The following CHRM3 variants were observed in gnomAD, a reference collection of about 807,000 sequenced individuals.
CHRM3 encodes muscarinic acetylcholine receptor M3.
CHRM3 carries 11 observed loss-of-function variants against 41.8 expected under a neutral mutation model. That is an observed-to-expected ratio of 0.26 (90% CI 0.17 to 0.44). The LOEUF (loss-of-function observed/expected upper bound fraction) is 0.44. Among genes scored for constraint, CHRM3 ranks in the 20% least tolerant of loss-of-function variants. The pLI, the probability that CHRM3 is intolerant of heterozygous loss-of-function variation, is 1.00. For synonymous variants in CHRM3, 297 were observed against 301.4 expected, an observed-to-expected ratio of 0.99 and a Z score of 0.15; for missense variants, 571 against 745.4, an observed-to-expected ratio of 0.77 and a Z score of 2.72.
intron 2 of CHRM3, among the ~76,000 whole-genome samples, chr1:239,516,219 G>A (rs191085765): frequency 1.3e-5 from 2 of 152,222 alleles, no homozygotes; most frequent in East Asian, 1.9e-4. Flanking sequence ...TCCCAGGAGG[G>A]GAGAACATCG....
chr1:239,787,705 G>A (rs920613868), intron 5 of CHRM3, among the ~76,000 whole-genome samples: 6 of 152,090 alleles, frequency 3.9e-5, no homozygotes, highest in East Asian at 1.9e-4. Flanking sequence ...GAGAATAAGC[G>A]TGAGAATCAC....
At chr1:239,540,790 A>G (rs1361650368) in intron 2 of CHRM3, among the ~76,000 whole-genome samples, 3 of 152,134 alleles carry the variant, frequency 2.0e-5, no homozygotes, top group African/African-American at 4.8e-5. Context: ...TATAACTTCC[A>G]TATTTCTTAT....
At chr1:239,884,218 C>T (rs781018417) in intron 6 of CHRM3, among the ~76,000 whole-genome samples, 1 of 152,168 alleles carries the variant, frequency 6.6e-6, no homozygotes, top group African/African-American at 2.4e-5. Context: ...AGGAAGAGAT[C>T]ATCCTGGATT....
chr1:239,770,215 G>A (rs570817414), intron 5 of CHRM3, among the ~76,000 whole-genome samples: 2 of 152,218 alleles, frequency 1.3e-5, no homozygotes, highest in South Asian at 4.1e-4. Context: ...AAAATTCACG[G>A]GACGTAGGTT....
At chr1:239,700,355 A>C (rs750666366) in intron 5 of CHRM3, among the ~76,000 whole-genome samples, 1 of 152,204 alleles carries the variant, frequency 6.6e-6, no homozygotes, top group Non-Finnish European at 1.5e-5. Context: ...ACGTTCAGTG[A>C]CAAGGAGCTC....
intron 5 of CHRM3, among the ~76,000 whole-genome samples, chr1:239,806,334 A>C (rs1301111473): frequency 2.6e-5 from 4 of 151,850 alleles, no homozygotes; most frequent in Non-Finnish European, 5.9e-5. Context: ...ATGGAGTTAC[A>C]CAACACACAC....
intron 2 of CHRM3, among the ~76,000 whole-genome samples, chr1:239,539,546 A>G (rs183363822): frequency 9.7e-4 from 147 of 152,274 alleles, no homozygotes; most frequent in Non-Finnish European, 1.9e-3. Context: ...CTGTACAGTC[A>G]TGCACTGTGA....
chr1:239,542,545 T>C (rs1658884458), intron 2 of CHRM3, among the ~76,000 whole-genome samples: 1 of 152,178 alleles, frequency 6.6e-6, no homozygotes, highest in South Asian at 2.1e-4. Context: ...ATTCTAGACA[T>C]TTTGTTCATA....
intron 6 of CHRM3, among the ~76,000 whole-genome samples, chr1:239,871,628 TTTC>T (rs2149323548): frequency 1.3e-5 from 2 of 152,290 alleles, no homozygotes; most frequent in East Asian, 3.9e-4. Context: ...GAGTGACCTG[TTTC>T]TTCTTCCCTC....
intron 1 of CHRM3, among the ~76,000 whole-genome samples, chr1:239,433,432 G>A (rs142474551): frequency 3.3e-5 from 5 of 152,154 alleles, no homozygotes; most frequent in African/African-American, 1.2e-4. Context: ...GTTTAGGCTC[G>A]ACTCATTTCT....
chr1:239,472,015 T>A (rs1264865433), intron 1 of CHRM3, among the ~76,000 whole-genome samples: 1 of 152,180 alleles, frequency 6.6e-6, no homozygotes, highest in East Asian at 1.9e-4. Context: ...GAGACTCCAA[T>A]ACTCTGAGAG....
At chr1:239,590,981 A>T (rs1184908668) in intron 3 of CHRM3, among the ~76,000 whole-genome samples, 1 of 152,188 alleles carries the variant, frequency 6.6e-6, no homozygotes, top group Admixed American at 6.5e-5. Context: ...CTCAGTTGGC[A>T]TTCATGGAAA....
At chr1:239,848,227 A>G (rs1172087855) in intron 6 of CHRM3, among the ~76,000 whole-genome samples, 1 of 152,152 alleles carries the variant, frequency 6.6e-6, no homozygotes, top group Admixed American at 6.5e-5. Context: ...ATCACTACCC[A>G]AATGCTTTAC....
chr1:239,504,538 A>T (rs1188176923), intron 2 of CHRM3, among the ~76,000 whole-genome samples: 1 of 152,214 alleles, frequency 6.6e-6, no homozygotes, highest in Admixed American at 6.5e-5. Flanking sequence ...TAGAACTCTC[A>T]TTTGATCCAG....
In CHRM3 at chr1:239,913,864, G is replaced by A. The variant is rs1050578395; in HGVS notation, c.*4640G>A. ...GACGGATAGTGTATTTGGATATATG[G>A]AAGTCATCCAAATGCGTTGCTAGAA... On this transcript the variant is annotated 3_prime_UTR_variant, in exon 7 of 7. Transcript: ENST00000676153. The A allele has an allele frequency of 1.2e-5, 2 of 167,028 alleles. No individual in the cohort carries two copies. The highest frequency in any genetic ancestry group is 2.4e-5 in the African/African-American group (1 of 41,426). 10.3% of individuals were successfully genotyped at this position (167,028 alleles called of 1,614,324 possible). A position where few individuals can be genotyped will look rare whatever the true frequency, so the allele number is the denominator to read the frequency against.
intron 5 of CHRM3, among the ~76,000 whole-genome samples, chr1:239,785,630 G>GT (rs1343948464): frequency 1.3e-5 from 2 of 151,932 alleles, no homozygotes; most frequent in East Asian, 1.9e-4. Context: ...TGTCTATCTA[G>GT]TTTTTTATTA....
intron 1 of CHRM3, among the ~76,000 whole-genome samples, chr1:239,427,549 C>A (rs1662489749): frequency 6.6e-6 from 1 of 151,954 alleles, no homozygotes; most frequent in African/African-American, 2.4e-5. Flanking sequence ...TATTTTCTTC[C>A]CCCAGTTGGC....
chr1:239,547,979 T>C (rs576820912), intron 3 of CHRM3, among the ~76,000 whole-genome samples: 4 of 152,160 alleles, frequency 2.6e-5, no homozygotes, highest in African/African-American at 9.7e-5. Context: ...ATGACTTTTT[T>C]TTTTCAGGAG....
intron 3 of CHRM3, among the ~76,000 whole-genome samples, chr1:239,607,491 T>A (rs905758461): frequency 6.6e-6 from 1 of 152,182 alleles, no homozygotes; most frequent in Non-Finnish European, 1.5e-5. Flanking sequence ...AAAAACGTGC[T>A]TACGAGACTG....
Sources: gnomAD v4.1 joint callset for allele counts (sites outside exome capture counted in the v4.1 genomes callset) on GRCh38, gnomAD v4.1.1 for gene constraint, MANE v1.5 for transcripts, NCBI Gene and HGNC (gene_info 2026-07-23, HGNC 2026-07-21) for gene names.